Variants in TSPAN18 observed in about 807,000 individuals in gnomAD.
The protein encoded by TSPAN18 is tetraspanin 18, also known as tetraspanin-18.
Under a neutral mutation model 27.3 loss-of-function variants are expected in TSPAN18, and 14 were observed. The observed-to-expected ratio is 0.51, with a 90% confidence interval of 0.34 to 0.80. The LOEUF (loss-of-function observed/expected upper bound fraction) is 0.80, where lower values mean the gene tolerates loss of function less well. TSPAN18 is among the 30% of genes least tolerant of loss of function. The probability of loss-of-function intolerance (pLI) is 0.01; values close to 1 mark genes in which losing one functional copy is unlikely to be tolerated. For synonymous variants in TSPAN18, 143 were observed against 136.5 expected (o/e 1.05, Z -0.33); for missense variants, 268 against 323.9 (o/e 0.83, Z 1.32).
At position 44,908,786 on chromosome 11, in the gene TSPAN18, A is replaced by AGGAAAG. The variant is rs1391839015; in HGVS notation, c.64-918_64-917insGAAAGG. ...AGAGAAAGGAGAAAGAAAGAAAGAA[A>AGGAAAG]GAAAGAAAGAAAGAAAGAAAGAAAG... On this transcript the variant is annotated intron_variant, in intron 4 of 9. Coordinates refer to ENST00000520358, the MANE Select transcript of TSPAN18 (RefSeq NM_130783.5). 2.9e-3 allele frequency among the ~76,000 whole-genome samples: 268 copies of AGGAAAG among 91,684 alleles called. 26 individuals are homozygous for AGGAAAG. Among genetic ancestry groups the AGGAAAG allele is most frequent in the African/African-American group, 9.4e-3 (211 of 22,484 alleles). The allele number at this position is 91,684 out of a possible 152,430, so 60.1% of individuals were successfully genotyped here.
intron 4 of TSPAN18, chr11:44,909,471 A>C: frequency 2.0e-6 from 1 of 512,190 alleles, no homozygotes. Context: ...TTGGGTCGGA[A>C]ATTGGATTTA....
chr11:44,894,656 C>T (rs977997910), intron 3 of TSPAN18, among the ~76,000 whole-genome samples: 7 of 152,246 alleles, frequency 4.6e-5, no homozygotes, highest in Non-Finnish European at 7.3e-5. Context: ...CGAGGCACTG[C>T]GTGACCTCGG....
intron 2 of TSPAN18, among the ~76,000 whole-genome samples, chr11:44,782,190 T>A (rs1282443040): frequency 6.6e-6 from 1 of 152,168 alleles, no homozygotes; most frequent in Admixed American, 6.5e-5. Flanking sequence ...TGCCTTACTT[T>A]GTCTTTTGGA....
chr11:44,775,733 G>C (rs1395480443), intron 2 of TSPAN18, among the ~76,000 whole-genome samples: 1 of 152,214 alleles, frequency 6.6e-6, no homozygotes, highest in Non-Finnish European at 1.5e-5. Flanking sequence ...GCTTGAGGAT[G>C]TTGCTCCAGG....
At chr11:44,874,704 G>T (rs1565186851) in intron 3 of TSPAN18, among the ~76,000 whole-genome samples, 1 of 152,222 alleles carries the variant, frequency 6.6e-6, no homozygotes, top group Non-Finnish European at 1.5e-5. Context: ...GGACATCTTT[G>T]TCCCTCAGGT....
In TSPAN18 at chr11:44,794,670, GA is replaced by G. The variant is rs777191059; in HGVS notation, c.-153+30170del. Among the ~76,000 whole-genome samples, 678 of 140,554 alleles carry G rather than the reference GA, an allele frequency of 4.8e-3. 4 individuals carry two copies. Among genetic ancestry groups the G allele is most frequent in the African/African-American group, 0.014 (539 of 38,574 alleles). The allele number at this position is 140,554 out of a possible 152,430, so 92.2% of individuals were successfully genotyped here. A position where few individuals can be genotyped will look rare whatever the true frequency, so the allele number is the denominator to read the frequency against. On this transcript the variant is annotated intron_variant, in intron 2 of 9. Transcript: ENST00000520358. ...GCAACAGAGCAAGACTCTGTCTCAG[GA>G]AAAAAAAAAAAGGGAGAACTCAGTC...
At chr11:44,880,475 C>A (rs117737875) in intron 3 of TSPAN18, among the ~76,000 whole-genome samples, 11 of 152,156 alleles carry the variant, frequency 7.2e-5, no homozygotes, top group Non-Finnish European at 1.6e-4. Flanking sequence ...AATGAGAGTG[C>A]GGGTGAAGCA....
chr11:44,861,464 G>A (rs1299913047), intron 3 of TSPAN18, among the ~76,000 whole-genome samples: 2 of 136,786 alleles, frequency 1.5e-5, no homozygotes, highest in Non-Finnish European at 3.2e-5. Context: ...GGTGGGGGCG[G>A]TCGGTGCTGG....
At chr11:44,875,380 C>T (rs1242274157) in intron 3 of TSPAN18, among the ~76,000 whole-genome samples, 1 of 152,242 alleles carries the variant, frequency 6.6e-6, no homozygotes, top group East Asian at 1.9e-4. Flanking sequence ...TCAAACAATA[C>T]TCTCTGGCTG....
chr11:44,799,108 C>T (rs1215310497), intron 2 of TSPAN18, among the ~76,000 whole-genome samples: 3 of 150,454 alleles, frequency 2.0e-5, no homozygotes, highest in Non-Finnish European at 4.4e-5. Flanking sequence ...AGAGAGTGGG[C>T]CACTGTGGGG....
chr11:44,904,155 C>T (rs1405751530), intron 3 of TSPAN18, among the ~76,000 whole-genome samples: 1 of 152,122 alleles, frequency 6.6e-6, no homozygotes, highest in African/African-American at 2.4e-5. Context: ...GATTTTTTCC[C>T]TTGCATTCCT....
At chr11:44,868,492 G>A (rs758635804) in intron 3 of TSPAN18, among the ~76,000 whole-genome samples, 4 of 152,212 alleles carry the variant, frequency 2.6e-5, no homozygotes, top group East Asian at 1.9e-4. Flanking sequence ...CAGTACTGGC[G>A]TTGGGAGCCC....
chr11:44,872,501 C>T (rs996015146), intron 3 of TSPAN18, among the ~76,000 whole-genome samples: 4 of 152,206 alleles, frequency 2.6e-5, no homozygotes, highest in African/African-American at 4.8e-5. Flanking sequence ...TGCTAGTGTA[C>T]GCTATCAACA....
chr11:44,876,439 A>T (rs1273261356), intron 3 of TSPAN18, among the ~76,000 whole-genome samples: 3 of 152,136 alleles, frequency 2.0e-5, no homozygotes, highest in Non-Finnish European at 4.4e-5. Flanking sequence ...TTGTTTTCTT[A>T]TCTCCAAAGT....
chr11:44,794,184 C>T (rs1590480271), intron 2 of TSPAN18, among the ~76,000 whole-genome samples: 1 of 152,140 alleles, frequency 6.6e-6, no homozygotes. Flanking sequence ...AGAGAAAGAA[C>T]CATGGTCAAG....
At position 44,909,873 on chromosome 11, in the gene TSPAN18, C is replaced by T. The variant is rs771284701; in HGVS notation, c.232C>T (p.Arg78Cys). 2.3e-5 allele frequency: 37 copies of T among 1,613,468 alleles called. No individual in the cohort carries two copies. Among genetic ancestry groups the T allele is most frequent in the East Asian group, 6.7e-5 (3 of 44,872 alleles). ...CTTCCTGGGCTGCTGCGGGGCCGTC[C>T]GTGAGAACAAGTGTCTGCTGCTATT... ...LGFLGCCGAVRENKCLLLFFF... is the reference protein window; with the variant it reads ...LGFLGCCGAVCENKCLLLFFF... Residue 78 changes from arginine (R) to cysteine (C), a missense_variant, in exon 5 of 10, where the codon CGT (arginine) becomes TGT (cysteine). Physicochemically the swap from Arg to Cys is radical, Grantham distance 180. Coordinates refer to ENST00000520358, the MANE Select transcript of TSPAN18 (RefSeq NM_130783.5).
intron 1 of TSPAN18, among the ~76,000 whole-genome samples, chr11:44,759,769 G>T (rs1855409135): frequency 6.6e-6 from 1 of 152,182 alleles, no homozygotes; most frequent in Admixed American, 6.5e-5. Flanking sequence ...GACTCAGAGG[G>T]AGTAAGATAC....
At chr11:44,919,678 CACACA>C (rs1860050175) in intron 7 of TSPAN18, 134 bp from the exon 8 acceptor site, 2 of 835,524 alleles carry the variant, frequency 2.4e-6, no homozygotes, top group Non-Finnish European at 4.0e-6. Context: ...TTCCCATGGT[CACACA>C]GTGGTGACAG....
intron 1 of TSPAN18, among the ~76,000 whole-genome samples, chr11:44,731,633 T>TGTGTGTGTGAGAGAGAGAGA (rs139154582): frequency 9.3e-6 from 1 of 107,436 alleles, no homozygotes; most frequent in African/African-American, 3.5e-5. Flanking sequence ...TGTGTGTGTG[T>TGTGTGTGTGAGAGAGAGAGA]GAGAGAGAGA....
Sources: gnomAD v4.1 joint callset for allele counts (sites outside exome capture counted in the v4.1 genomes callset) on GRCh38, gnomAD v4.1.1 for gene constraint, MANE v1.5 for transcripts, NCBI Gene and HGNC (gene_info 2026-07-23, HGNC 2026-07-21) for gene names.